RPS3A: variants seen among roughly 807,000 people sequenced by gnomAD.
RPS3A encodes ribosomal protein S3A.
In RPS3A, 1 loss-of-function variant was observed where a neutral mutation model predicts 26.4. The ratio of observed to expected loss-of-function variants is 0.04; its 90% CI spans 0.01 to 0.18. RPS3A has a LOEUF of 0.18. Ranked by LOEUF, RPS3A falls within the 10% of genes least tolerant of loss-of-function variation. RPS3A has a pLI of 1.00. For synonymous variants in RPS3A, 97 were observed against 106.1 expected (o/e 0.91, Z 0.53); for missense variants, 139 against 326.8 (o/e 0.43, Z 4.43).
Position 151,104,500 on chromosome 4 carries a change from A to C in RPS3A, c.702A>C (p.Glu234Asp), listed in dbSNP as rs769505078. 2 of 1,288,176 alleles carry C rather than the reference A, an allele frequency of 1.6e-6. No homozygotes were observed. Among genetic ancestry groups the C allele is most frequent in the South Asian group, 2.5e-5 (2 of 79,478 alleles). 79.8% of individuals were successfully genotyped at this position (1,288,176 alleles called of 1,614,324 possible). A position where few individuals can be genotyped will look rare whatever the true frequency, so the allele number is the denominator to read the frequency against. ...ELGKLMELHGEGSSSGKATGD... is the reference protein window; with the variant it reads ...ELGKLMELHGDGSSSGKATGD... ...GAAAGCTCATGGAGCTTCATGGTGA[A>C]GGCAGTAGTTCTGGAAAAGCCACTG... Residue 234 changes from glutamate to aspartate, a missense_variant, in exon 6 of 6, where the codon GAA becomes GAC. Glu to Asp is a conservative substitution (Grantham distance 45, BLOSUM62 2). Around this residue, in one of 3 missense-constraint regions of RPS3A, gnomAD observed 96 missense variants for 209.8 expected, o/e 0.46. Transcript: ENST00000274065.
At chr4:151,101,967 A>C (rs141899529) in intron 3 of RPS3A, 2 of 462,078 alleles carry the variant, frequency 4.3e-6, no homozygotes, top group African/African-American at 2.1e-5. Context: ...TCCTGACTTC[A>C]AGTGATCTGC....
chr4:151,104,027 A>C, intron 4 of RPS3A, 150 bp from the exon 5 acceptor site: 1 of 1,490,484 alleles, frequency 6.7e-7, no homozygotes, highest in Non-Finnish European at 8.9e-7. Flanking sequence ...AAGGTAAATA[A>C]TGGCTTATCT....
intron 5 of RPS3A, 25 bp from the exon 6 acceptor site, chr4:151,104,447 T>TTG (rs751752264): frequency 3.6e-6 from 5 of 1,378,712 alleles, no homozygotes; most frequent in South Asian, 3.2e-5. Flanking sequence ...TGGTTTTTTT[T>TTG]TTTTTTTTTT....
chr4:151,104,004 C>A, intron 4 of RPS3A, 173 bp from the exon 5 acceptor site: 1 of 1,500,754 alleles, frequency 6.7e-7, no homozygotes, highest in Non-Finnish European at 8.9e-7. Flanking sequence ...GATCATCTAT[C>A]CTTTACATGT....
intron 4 of RPS3A, chr4:151,103,516 T>C: frequency 9.7e-7 from 1 of 1,030,292 alleles, no homozygotes; most frequent in Non-Finnish European, 1.2e-6. Context: ...CTCTAAATGA[T>C]AACAGTTTTT....
chr4:151,104,089 A>G, intron 4 of RPS3A, 88 bp from the exon 5 acceptor site: 1 of 1,519,160 alleles, frequency 6.6e-7, no homozygotes, highest in East Asian at 2.3e-5. Flanking sequence ...GTGTAGGTTT[A>G]TTCCAAGGCT....
intron 1 of RPS3A, 50 bp downstream of exon 1, chr4:151,099,764 C>T (rs376723461): frequency 6.4e-7 from 1 of 1,561,676 alleles, no homozygotes; most frequent in South Asian, 1.1e-5. Context: ...CTGCTGGAAT[C>T]GGCGGGCTGG....
chr4:151,103,374 C>G (rs1419977223), intron 4 of RPS3A: 3 of 583,888 alleles, frequency 5.1e-6, no homozygotes, highest in Non-Finnish European at 4.7e-6. Context: ...GAGCCTCAGC[C>G]TCCTGAGTAT....
chr4:151,100,465 A>C lies in RPS3A; in HGVS notation c.63-20A>C. Reference sequence around the variant, plus strand: ...AAGAATTGATCTGCAATGGAACTTAAGCATCTTCTTAAAATCCAGGGTTGA... The same window carrying C: ...AAGAATTGATCTGCAATGGAACTTACGCATCTTCTTAAAATCCAGGGTTGA... On this transcript the variant is annotated intron_variant, in intron 1 of 5. Transcript: ENST00000274065. 1 of 1,293,290 alleles carries C rather than the reference A, an allele frequency of 7.7e-7. No individual in the cohort carries two copies. Among genetic ancestry groups the C allele is most frequent in the Non-Finnish European group, 1.1e-6 (1 of 890,428 alleles). 80.1% of individuals were successfully genotyped at this position (1,293,290 alleles called of 1,614,324 possible). A position where few individuals can be genotyped will look rare whatever the true frequency, so the allele number is the denominator to read the frequency against.
chr4:151,103,920 G>T (rs368233827), intron 4 of RPS3A: 3 of 1,497,882 alleles, frequency 2.0e-6, no homozygotes, highest in Non-Finnish European at 2.7e-6. Context: ...AGCTAAGAGG[G>T]TGTAATGGAA....
chr4:151,104,576 G>A lies in RPS3A; in HGVS notation c.778G>A (p.Val260Ile), dbSNP rs764395706. Residue 260 changes from valine (V) to isoleucine (I), a missense_variant, in exon 6 of 6, where the codon GTC becomes ATC. Coordinates refer to ENST00000274065, the MANE Select transcript of RPS3A (RefSeq NM_001006.5). ...ACGAGCTGATGGATATGAACCACCA[G>A]TCCAAGAATCTGTTTAAAGTTCAGA... ...VERADGYEPP[V>I]QESV 3 of 1,565,282 alleles carry A rather than the reference G, an allele frequency of 1.9e-6. No individual in the cohort carries two copies. Among genetic ancestry groups the A allele is most frequent in the Non-Finnish European group, 1.7e-6 (2 of 1,171,240 alleles).
intron 1 of RPS3A, 71 bp downstream of exon 1, chr4:151,099,785 C>T: frequency 1.4e-6 from 2 of 1,468,734 alleles, no homozygotes; most frequent in Non-Finnish European, 1.9e-6. Context: ...TCCTAGATCG[C>T]GGCGTAGGCC....
chr4:151,104,052 A>G, intron 4 of RPS3A, 125 bp from the exon 5 acceptor site: 1 of 1,490,228 alleles, frequency 6.7e-7, no homozygotes, highest in Non-Finnish European at 8.9e-7. Context: ...AGGAGGATTT[A>G]TGCAGGTTAA....
Position 151,099,641 on chromosome 4 carries a change from C to G in RPS3A, c.-12C>G. On this transcript the variant is annotated 5_prime_UTR_variant, in exon 1 of 6. Transcript: ENST00000274065. ...CTCCCACTTCCGCCCTTTTGGCTCTCTGACCAGCACCATGGCGGTTGGCAA... is the reference window on the plus strand; with the variant it reads ...CTCCCACTTCCGCCCTTTTGGCTCTGTGACCAGCACCATGGCGGTTGGCAA... 2 of 1,613,494 alleles carry G rather than the reference C, an allele frequency of 1.2e-6. No homozygotes were observed. Among genetic ancestry groups the G allele is most frequent in the African/African-American group, 1.3e-5 (1 of 75,046 alleles).
intron 2 of RPS3A, 21 bp downstream of exon 2, chr4:151,100,609 T>A: frequency 7.0e-7 from 1 of 1,418,686 alleles, no homozygotes; most frequent in Non-Finnish European, 1.0e-6. Context: ...TATTCTTGGT[T>A]TGTATTTTCC....
intron 1 of RPS3A, chr4:151,100,056 C>A: frequency 1.8e-6 from 1 of 562,606 alleles, no homozygotes; most frequent in East Asian, 4.2e-5. Flanking sequence ...CCCTTCTATC[C>A]ATTCAGGACC....
At chr4:151,102,181 T>C (rs746615417) in intron 3 of RPS3A, 2 of 412,484 alleles carry the variant, frequency 4.8e-6, no homozygotes, top group Non-Finnish European at 9.7e-6. Flanking sequence ...GTCCCTTAGC[T>C]GTAAATTGTA....
At chr4:151,099,958 G>A (rs1747045490) in intron 1 of RPS3A, 2 of 671,348 alleles carry the variant, frequency 3.0e-6, no homozygotes, top group East Asian at 2.9e-5. Context: ...GGCGCGACTC[G>A]GCTGGAATGT....
At chr4:151,101,428 G>GT (rs1747109650) in intron 3 of RPS3A, among the ~76,000 whole-genome samples, 1 of 152,148 alleles carries the variant, frequency 6.6e-6, no homozygotes, top group Non-Finnish European at 1.5e-5. Context: ...TAGATTAGTG[G>GT]TTTTTTGAGG....
Sources: gnomAD v4.1 joint callset for allele counts (sites outside exome capture counted in the v4.1 genomes callset) on GRCh38, gnomAD v4.1.1 for gene constraint, gnomAD v4.1.1 regional missense constraint, MANE v1.5 for transcripts, NCBI Gene and HGNC (gene_info 2026-07-23, HGNC 2026-07-21) for gene names.